The following DNAH9 variants were observed in gnomAD, a reference collection of about 807,000 sequenced individuals.
DNAH9 encodes the protein DNAH9 variant protein.
DNAH9 carries 345 observed loss-of-function variants against 471.6 expected under a neutral mutation model. The observed-to-expected ratio is 0.73, with a 90% CI of 0.67 to 0.80. The LOEUF is 0.80. DNAH9 is among the 30% of genes least tolerant of loss of function. The pLI is 0.00. For missense variants in DNAH9, 5,407 were observed against 5,609.2 expected (o/e 0.96, Z 1.15); for synonymous variants, 2,093 against 2,123.6 (o/e 0.99, Z 0.40).
At chr17:11,708,535 C>T (rs1041205464) in intron 26 of DNAH9, among the ~76,000 whole-genome samples, 1 of 151,914 alleles carries the variant, frequency 6.6e-6, no homozygotes, top group Non-Finnish European at 1.5e-5. Context: ...GGGTGGGGGG[C>T]GTGGAGTCTT....
intron 25 of DNAH9, 127 bp downstream of exon 25, chr17:11,704,569 G>C: frequency 1.3e-6 from 1 of 799,628 alleles, no homozygotes; most frequent in East Asian, 2.7e-5. Context: ...GAGGATCACA[G>C]TGGCTGCTCC....
intron 6 of DNAH9, among the ~76,000 whole-genome samples, chr17:11,621,142 G>A (rs1034381566): frequency 6.6e-5 from 10 of 152,172 alleles, no homozygotes; most frequent in Admixed American, 3.3e-4. Context: ...GGGCACGGTG[G>A]CTCTCCCCTG....
intron 67 of DNAH9, chr17:11,954,126 T>C (rs897594080): frequency 2.1e-5 from 3 of 143,560 alleles, no homozygotes; most frequent in African/African-American, 4.9e-5. Context: ...TGGTCTAACA[T>C]ACATGTAATT....
chr17:11,882,983 G>T, intron 55 of DNAH9: 1 of 985,464 alleles, frequency 1.0e-6, no homozygotes, highest in Non-Finnish European at 1.2e-6. Flanking sequence ...GAATCCAAAG[G>T]CTGTACAAGG....
chr17:11,833,239 G>T (rs1048711776), intron 48 of DNAH9, among the ~76,000 whole-genome samples: 27 of 152,344 alleles, frequency 1.8e-4, no homozygotes, highest in African/African-American at 6.5e-4. Context: ...TGGGCTGGAT[G>T]GGAAATTCAG....
chr17:11,730,746 G>C (rs577075996), intron 28 of DNAH9, among the ~76,000 whole-genome samples: 45 of 112,430 alleles, frequency 4.0e-4, no homozygotes, highest in African/African-American at 1.3e-3. Flanking sequence ...TGATAATGGT[G>C]GTGGTGATGT....
intron 9 of DNAH9, among the ~76,000 whole-genome samples, chr17:11,638,328 A>G (rs2150682181): frequency 6.6e-6 from 1 of 152,230 alleles, no homozygotes; most frequent in African/African-American, 2.4e-5. Flanking sequence ...CAGAAGCTAT[A>G]TCGGTAACAA....
intron 59 of DNAH9, among the ~76,000 whole-genome samples, chr17:11,898,887 T>C (rs1391659450): frequency 2.6e-5 from 4 of 152,246 alleles, no homozygotes; most frequent in African/African-American, 7.2e-5. Context: ...ATTGTTTGGT[T>C]CGCTTTGCCT....
At chr17:11,873,589 A>G (rs553659446) in intron 52 of DNAH9, 1 of 152,328 alleles carries the variant, frequency 6.6e-6, no homozygotes, top group Non-Finnish European at 1.5e-5. Flanking sequence ...AAGGAGTTAA[A>G]AGGGTATTTG....
In DNAH9 at chr17:11,962,162, TGAC is replaced by T. The variant is rs1343733976; in HGVS notation, c.13142_13144del (p.Thr4381del). On this transcript the variant is annotated inframe_deletion, in exon 68 of 69. Coordinates refer to ENST00000262442, the MANE Select transcript of DNAH9 (RefSeq NM_001372.4). This position sits in a 1 kb window ranked among gnomAD's most constrained non-coding sequence, Gnocchi z 4.1. ...GACCAGATGGCCCTGCAATGTGACA[TGAC>T]GAAGAAGAACAGAGAAGAGTTTAGG... The T allele has an allele frequency of 1.9e-6, 3 of 1,613,926 alleles. No homozygotes were observed. The highest frequency in any genetic ancestry group is 1.7e-5 in the Admixed American group (1 of 59,994).
intron 14 of DNAH9, among the ~76,000 whole-genome samples, chr17:11,662,977 G>T (rs919814596): frequency 2.6e-4 from 39 of 151,374 alleles, no homozygotes; most frequent in Non-Finnish European, 4.9e-4. Context: ...GGATGGTCTC[G>T]ATCTCCTGAC....
chr17:11,944,742 C>T (rs1431982699), intron 67 of DNAH9, among the ~76,000 whole-genome samples: 1 of 152,144 alleles, frequency 6.6e-6, no homozygotes, highest in Non-Finnish European at 1.5e-5. Flanking sequence ...TCACATGTTC[C>T]CATCTCCACG....
chr17:11,713,201 A>T (rs62061786), intron 26 of DNAH9, among the ~76,000 whole-genome samples: 1 of 150,962 alleles, frequency 6.6e-6, no homozygotes, highest in Admixed American at 6.6e-5. Flanking sequence ...ATAGACTCCA[A>T]CTCCATCCAT....
At chr17:11,629,652 A>G in intron 7 of DNAH9, 68 bp downstream of exon 7, 1 of 1,412,516 alleles carries the variant, frequency 7.1e-7, no homozygotes, top group South Asian at 1.3e-5. Flanking sequence ...TGTAGGGTCT[A>G]GGTATTTACT....
rs529221594 is a variant in DNAH9 at position 11,626,251 on chromosome 17, A to T, written c.1351-3166A>T. The stretch of plus-strand genomic sequence containing the variant: ...AAAATATCATTTAAACTTCTTATTG[A>T]TTTAAATTGCCTTTTATCTGTTTTG... On this transcript the variant is annotated intron_variant, in intron 6 of 68. Transcript: ENST00000262442. This position sits in a 1 kb window ranked among gnomAD's most constrained non-coding sequence, Gnocchi z 4.3. Among the ~76,000 whole-genome samples, 3 of 152,346 alleles carry T rather than the reference A, an allele frequency of 2.0e-5. No individual in the cohort carries two copies. In the East Asian group the frequency reaches 5.8e-4, roughly 29 times the overall value.
At chr17:11,653,180 G>A (rs1477082563) in intron 14 of DNAH9, among the ~76,000 whole-genome samples, 178 bp downstream of exon 14, 1 of 152,210 alleles carries the variant, frequency 6.6e-6, no homozygotes, top group Non-Finnish European at 1.5e-5. Context: ...ATGAAAAGTT[G>A]CATTTTGGTA....
chr17:11,845,260 GT>G (rs1335821545), intron 49 of DNAH9, among the ~76,000 whole-genome samples: 1 of 113,906 alleles, frequency 8.8e-6, no homozygotes, highest in East Asian at 2.5e-4. Flanking sequence ...GCGGTGTTTG[GT>G]TTTTTGTTCT....
intron 67 of DNAH9, among the ~76,000 whole-genome samples, chr17:11,951,825 A>G (rs1222375397): frequency 1.9e-4 from 29 of 151,340 alleles, no homozygotes; most frequent in Admixed American, 1.9e-3. Flanking sequence ...CGGGAGGCTG[A>G]GGCAGGAGAA....
At chr17:11,678,806 G>C (rs937097807) in intron 17 of DNAH9, among the ~76,000 whole-genome samples, 1 of 152,072 alleles carries the variant, frequency 6.6e-6, no homozygotes, top group Non-Finnish European at 1.5e-5. Context: ...TGTTTAGCTA[G>C]ACTCTTCTCA....
Sources: gnomAD v4.1 joint callset for allele counts (sites outside exome capture counted in the v4.1 genomes callset) on GRCh38, gnomAD v4.1.1 for gene constraint, Gnocchi (gnomAD v3.1) non-coding constraint, MANE v1.5 for transcripts, NCBI Gene and HGNC (gene_info 2026-07-23, HGNC 2026-07-21) for gene names.